The following CAMKMT variants were observed in gnomAD, a reference collection of about 807,000 sequenced individuals.
The protein encoded by CAMKMT is calmodulin-lysine N-methyltransferase, also known as CaM KMT.
CAMKMT carries 53 observed loss-of-function variants against 48.0 expected under a neutral mutation model. The ratio of observed to expected loss-of-function variants is 1.10; its 90% CI spans 0.89 to 1.39. The LOEUF is 1.39. CAMKMT is among the 40% of genes most tolerant of loss of function. The pLI, the probability that CAMKMT is intolerant of heterozygous loss-of-function variation, is 0.00. For synonymous variants in CAMKMT, 165 were observed against 152.3 expected, an observed-to-expected ratio of 1.08 and a Z score of -0.61; for missense variants, 428 against 402.7, an observed-to-expected ratio of 1.06 and a Z score of -0.54.
chr2:44,400,020 C>T (rs981384523), intron 3 of CAMKMT, among the ~76,000 whole-genome samples: 13 of 152,134 alleles, frequency 8.5e-5, no homozygotes, highest in Non-Finnish European at 1.6e-4. Context: ...CTCTTTATCC[C>T]AGCATAGTAC....
intron 3 of CAMKMT, among the ~76,000 whole-genome samples, chr2:44,511,063 G>C (rs116756302): frequency 0.033 from 5,009 of 151,966 alleles, 265 homozygotes; most frequent in African/African-American, 0.11. Context: ...TTGGTCTTGG[G>C]CTCCTCACCT....
chr2:44,623,973 A>G (rs1382926458), intron 3 of CAMKMT, among the ~76,000 whole-genome samples: 3 of 152,080 alleles, frequency 2.0e-5, no homozygotes, highest in Non-Finnish European at 4.4e-5. Context: ...TTCTATTAGT[A>G]GTTTAGTCTT....
rs922279873 is a variant in CAMKMT, at chr2:44,589,518, CT to C, written c.377-114761del. ...TGTGGATAGAAGTAGACATGGGAGACTTTTCATTTTGTTCTGTACTAAGAAA... is the reference window on the plus strand; with the variant it reads ...TGTGGATAGAAGTAGACATGGGAGACTTTCATTTTGTTCTGTACTAAGAAA... On this transcript the variant is annotated intron_variant, in intron 3 of 10. Transcript: ENST00000378494. Among the ~76,000 whole-genome samples the C allele has an allele frequency of 1.2e-4, 8 of 64,662 alleles. 2 individuals carry two copies. The highest frequency in any genetic ancestry group is 4.9e-4 in the African/African-American group (8 of 16,412). 42.4% of individuals were successfully genotyped at this position (64,662 alleles called of 152,430 possible). A position where few individuals can be genotyped will look rare whatever the true frequency, so the allele number is the denominator to read the frequency against.
chr2:44,765,530 TTAA>T (rs779804010), intron 9 of CAMKMT, among the ~76,000 whole-genome samples: 7 of 145,808 alleles, frequency 4.8e-5, no homozygotes, highest in African/African-American at 7.8e-5. Flanking sequence ...ATTTTTTTTT[TTAA>T]AAAAAAAAAA....
intron 3 of CAMKMT, among the ~76,000 whole-genome samples, chr2:44,461,945 G>A (rs1667870003): frequency 6.6e-6 from 1 of 152,048 alleles, no homozygotes; most frequent in Non-Finnish European, 1.5e-5. Context: ...CTGTGTTCTT[G>A]TATAATACCT....
At chr2:44,418,311 A>AT (rs765290714) in intron 3 of CAMKMT, among the ~76,000 whole-genome samples, 130 of 147,560 alleles carry the variant, frequency 8.8e-4, no homozygotes, top group Middle Eastern at 3.6e-3. Context: ...AAATCTATGA[A>AT]TTTTTTTTTT....
chr2:44,631,013 A>G (rs201793713), intron 3 of CAMKMT, among the ~76,000 whole-genome samples: 1 of 151,876 alleles, frequency 6.6e-6, no homozygotes, highest in African/African-American at 2.4e-5. Flanking sequence ...TCCAACAATG[A>G]TAGACTGGAT....
chr2:44,691,530 G>A (rs1262565564), intron 3 of CAMKMT, among the ~76,000 whole-genome samples: 1 of 152,204 alleles, frequency 6.6e-6, no homozygotes, highest in Non-Finnish European at 1.5e-5. Context: ...TATAGTCCTA[G>A]AAGAATTTAT....
chr2:44,562,472 ATT>A (rs1362147620), intron 3 of CAMKMT, among the ~76,000 whole-genome samples: 2 of 152,162 alleles, frequency 1.3e-5, no homozygotes, highest in Admixed American at 6.5e-5. Flanking sequence ...GAGTATTATT[ATT>A]TCTATTTCAC....
At chr2:44,696,120 T>G (rs1400732711) in intron 3 of CAMKMT, among the ~76,000 whole-genome samples, 1 of 152,018 alleles carries the variant, frequency 6.6e-6, no homozygotes, top group Non-Finnish European at 1.5e-5. Context: ...TTTTTGTATT[T>G]TTAGTAGAAA....
rs1293884982 is a variant in CAMKMT at position 44,666,612 on chromosome 2, C to CTTTTTTTTTTTTT, written c.377-37666_377-37654dup. Among the ~76,000 whole-genome samples, 81 of 133,952 alleles carry CTTTTTTTTTTTTT rather than the reference C, an allele frequency of 6.0e-4. 3 individuals are homozygous for CTTTTTTTTTTTTT. Among genetic ancestry groups the CTTTTTTTTTTTTT allele is most frequent in the African/African-American group, 1.8e-3 (60 of 34,128 alleles). The allele number at this position is 133,952 out of a possible 152,430, so 87.9% of individuals were successfully genotyped here. Reference sequence around the variant, plus strand: ...TTGATCTCCTTTTGGCTCCTGGAATCTTTTTTTTTTTTTTTTTGAGACAGA... The same window carrying CTTTTTTTTTTTTT: ...TTGATCTCCTTTTGGCTCCTGGAATCTTTTTTTTTTTTTTTTTTTTTTTTTTTTTTGAGACAGA... On this transcript the variant is annotated intron_variant, in intron 3 of 10. Coordinates refer to ENST00000378494, the MANE Select transcript of CAMKMT (RefSeq NM_024766.5).
chr2:44,389,324 T>C (rs751846730), intron 2 of CAMKMT, among the ~76,000 whole-genome samples: 140 of 152,264 alleles, frequency 9.2e-4, no homozygotes, highest in Non-Finnish European at 1.5e-3. Flanking sequence ...TATAGTCACC[T>C]TTCGAGGTAC....
At chr2:44,679,872 C>T (rs572711830) in intron 3 of CAMKMT, among the ~76,000 whole-genome samples, 54 of 152,318 alleles carry the variant, frequency 3.5e-4, no homozygotes, top group African/African-American at 1.3e-3. Context: ...TCCTTTGGCA[C>T]CTACTGATCT....
intron 7 of CAMKMT, among the ~76,000 whole-genome samples, chr2:44,742,075 A>G (rs906657193): frequency 6.6e-6 from 1 of 151,996 alleles, no homozygotes; most frequent in African/African-American, 2.4e-5. Flanking sequence ...CTCATGGTTC[A>G]AGTCTTAGAC....
intron 2 of CAMKMT, among the ~76,000 whole-genome samples, chr2:44,387,140 T>C (rs1035763305): frequency 1.4e-4 from 21 of 152,178 alleles, no homozygotes; most frequent in Non-Finnish European, 2.2e-4. Flanking sequence ...TATTATTGTG[T>C]TGCTGTCTAT....
chr2:44,761,268 A>T (rs990066193), intron 9 of CAMKMT, among the ~76,000 whole-genome samples: 4 of 152,200 alleles, frequency 2.6e-5, no homozygotes, highest in Non-Finnish European at 5.9e-5. Flanking sequence ...GAGCATGTGC[A>T]TGTTTGAACA....
chr2:44,661,786 G>A (rs1357378612), intron 3 of CAMKMT, among the ~76,000 whole-genome samples: 3 of 152,152 alleles, frequency 2.0e-5, no homozygotes, highest in African/African-American at 7.2e-5. Context: ...AAGTGGCAGA[G>A]GTATTAAGTA....
chr2:44,373,169 A>T (rs925471893), intron 2 of CAMKMT, among the ~76,000 whole-genome samples: 1 of 152,194 alleles, frequency 6.6e-6, no homozygotes, highest in Non-Finnish European at 1.5e-5. Flanking sequence ...ACATTTGTTT[A>T]TGACAAAAAG....
At chr2:44,564,922 AT>A (rs1174919329) in intron 3 of CAMKMT, among the ~76,000 whole-genome samples, 2 of 152,204 alleles carry the variant, frequency 1.3e-5, no homozygotes. Context: ...CTGTAAGTGA[AT>A]TTCATGAACT....
Sources: gnomAD v4.1 joint callset for allele counts (sites outside exome capture counted in the v4.1 genomes callset) on GRCh38, gnomAD v4.1.1 for gene constraint, MANE v1.5 for transcripts, NCBI Gene and HGNC (gene_info 2026-07-23, HGNC 2026-07-21) for gene names.